Variants in NUP37 observed in about 807,000 individuals in gnomAD.
NUP37 encodes nucleoporin 37.
NUP37 carries 33 observed loss-of-function variants against 45.4 expected under a neutral mutation model. That is an observed-to-expected ratio of 0.73 (90% confidence interval 0.55 to 0.97). NUP37 has a LOEUF of 0.97. Ranked by LOEUF, NUP37 falls within the 50% of genes least tolerant of loss-of-function variation. NUP37 has a pLI of 0.00. For missense variants in NUP37, 365 were observed against 389.7 expected, an observed-to-expected ratio of 0.94 and a Z score of 0.53; for synonymous variants, 127 against 130.7, an observed-to-expected ratio of 0.97 and a Z score of 0.19.
chr12:102,097,271 ATAT>A (rs539899295), intron 5 of NUP37, among the ~76,000 whole-genome samples: 150 of 152,322 alleles, frequency 9.8e-4, no homozygotes, highest in African/African-American at 3.6e-3. Flanking sequence ...AGGAAAGCAA[ATAT>A]TTGTTGAACA....
intron 5 of NUP37, among the ~76,000 whole-genome samples, chr12:102,095,654 T>C (rs1290743457): frequency 6.6e-6 from 1 of 152,244 alleles, no homozygotes; most frequent in South Asian, 2.1e-4. Context: ...CATCAAGATA[T>C]ATACTTGTCA....
At chr12:102,105,493 G>A (rs1317277707) in intron 3 of NUP37, among the ~76,000 whole-genome samples, 1 of 152,094 alleles carries the variant, frequency 6.6e-6, no homozygotes, top group Non-Finnish European at 1.5e-5. Context: ...TCATGCCATT[G>A]CACTCCAGTC....
chr12:102,113,843 C>T (rs1425264307), intron 2 of NUP37, among the ~76,000 whole-genome samples: 2 of 152,126 alleles, frequency 1.3e-5, no homozygotes, highest in Admixed American at 1.3e-4. Context: ...AATGTATACT[C>T]GAATGAAATC....
intron 3 of NUP37, among the ~76,000 whole-genome samples, chr12:102,105,537 A>C (rs1880117999): frequency 6.6e-6 from 1 of 151,834 alleles, no homozygotes; most frequent in South Asian, 2.1e-4. Context: ...TCTCAACAAC[A>C]ACAAGAATTC....
chr12:102,079,989 G>A (rs1463743824), intron 6 of NUP37, among the ~76,000 whole-genome samples: 5 of 152,160 alleles, frequency 3.3e-5, no homozygotes, highest in Non-Finnish European at 7.3e-5. Flanking sequence ...GTTTAGTGAG[G>A]AGGGAAATTC....
chr12:102,081,667 T>C (rs553054086), intron 6 of NUP37, among the ~76,000 whole-genome samples: 13 of 152,214 alleles, frequency 8.5e-5, no homozygotes, highest in African/African-American at 2.4e-4. Flanking sequence ...CCCTGGAAAA[T>C]AGAAAGCATT....
At chr12:102,097,473 C>T (rs895268347) in intron 5 of NUP37, among the ~76,000 whole-genome samples, 2 of 151,978 alleles carry the variant, frequency 1.3e-5, no homozygotes, top group East Asian at 3.9e-4. Context: ...GTCTTATATT[C>T]GACAAAATAA....
intron 3 of NUP37, among the ~76,000 whole-genome samples, chr12:102,104,368 T>C (rs1326394265): frequency 6.6e-6 from 1 of 152,228 alleles, no homozygotes; most frequent in Non-Finnish European, 1.5e-5. Flanking sequence ...ATTCTGGATA[T>C]TTATCCCTTG....
intron 2 of NUP37, among the ~76,000 whole-genome samples, chr12:102,116,434 C>A (rs1376332264): frequency 6.6e-6 from 1 of 152,170 alleles, no homozygotes; most frequent in Non-Finnish European, 1.5e-5. Context: ...AAGTACGTAA[C>A]ATTGTCTTAA....
intron 5 of NUP37, among the ~76,000 whole-genome samples, chr12:102,095,377 T>C (rs965903393): frequency 1.2e-4 from 19 of 152,126 alleles, no homozygotes; most frequent in African/African-American, 4.3e-4. Flanking sequence ...CATATGCATA[T>C]ACAAACACAC....
chr12:102,085,885 A>T, intron 5 of NUP37, 29 bp from the exon 6 acceptor site: 1 of 1,069,000 alleles, frequency 9.4e-7, no homozygotes, highest in Non-Finnish European at 1.4e-6. Context: ...TATAATGTTA[A>T]TTGTTCTTGA....
At chr12:102,105,724 G>A (rs949685359) in intron 3 of NUP37, among the ~76,000 whole-genome samples, 3 of 151,830 alleles carry the variant, frequency 2.0e-5, no homozygotes, top group African/African-American at 7.3e-5. Flanking sequence ...AGCTGGGCAT[G>A]GTGATGTGCA....
chr12:102,086,151 CTT>C (rs1194709402), intron 5 of NUP37, among the ~76,000 whole-genome samples: 1 of 152,064 alleles, frequency 6.6e-6, no homozygotes, highest in African/African-American at 2.4e-5. Flanking sequence ...TTTATATACT[CTT>C]TATTTTGTGG....
intron 6 of NUP37, among the ~76,000 whole-genome samples, chr12:102,083,063 A>G (rs1879372586): frequency 6.6e-6 from 1 of 152,202 alleles, no homozygotes; most frequent in African/African-American, 2.4e-5. Context: ...AATGATATGT[A>G]GGAGAAAAAA....
intron 6 of NUP37, among the ~76,000 whole-genome samples, chr12:102,083,416 T>C (rs895820955): frequency 6.6e-6 from 1 of 152,216 alleles, no homozygotes; most frequent in Non-Finnish European, 1.5e-5. Flanking sequence ...TCAATGGGCC[T>C]GGAACAAATT....
At chr12:102,118,238 GATCTT>G (rs752306115) in intron 2 of NUP37, 120 bp downstream of exon 2, 15 of 937,068 alleles carry the variant, frequency 1.6e-5, no homozygotes, top group Admixed American at 1.3e-4. Flanking sequence ...TTTCTCTATG[GATCTT>G]ATCTTTTTTT....
intron 6 of NUP37, among the ~76,000 whole-genome samples, chr12:102,084,163 C>T (rs1594386166): frequency 1.3e-5 from 2 of 152,298 alleles, no homozygotes; most frequent in South Asian, 4.1e-4. Context: ...TTCTCTGCGC[C>T]TTGGTTTCCT....
chr12:102,083,749 G>A (rs1227492838), intron 6 of NUP37, among the ~76,000 whole-genome samples: 1 of 152,170 alleles, frequency 6.6e-6, no homozygotes, highest in African/African-American at 2.4e-5. Context: ...GAACATATAC[G>A]CAAAGTTGCT....
intron 9 of NUP37, 163 bp downstream of exon 9, chr12:102,074,838 A>G: frequency 2.2e-6 from 1 of 465,044 alleles, no homozygotes; most frequent in Non-Finnish European, 3.7e-6. Context: ...AAACCACACA[A>G]AAAACAAAAA....
Sources: gnomAD v4.1 joint callset for allele counts (sites outside exome capture counted in the v4.1 genomes callset) on GRCh38, gnomAD v4.1.1 for gene constraint, MANE v1.5 for transcripts, NCBI Gene and HGNC (gene_info 2026-07-23, HGNC 2026-07-21) for gene names.